Variants in LAMB4 observed in about 807,000 individuals in gnomAD.
LAMB4 encodes laminin subunit beta 4.
A neutral mutation model predicts 199.2 loss-of-function variants in LAMB4; 196 were observed. That is an observed-to-expected ratio of 0.98 (90% CI 0.88 to 1.11). LAMB4 has a LOEUF of 1.11. LAMB4 is among the 50% of genes least tolerant of loss of function. The pLI is 0.00. For missense variants in LAMB4, 2,080 were observed against 2,171.2 expected, an observed-to-expected ratio of 0.96 and a Z score of 0.83; for synonymous variants, 744 against 770.6, an observed-to-expected ratio of 0.97 and a Z score of 0.57.
chr7:108,057,875 C>T lies in LAMB4; in HGVS notation c.3336G>A (p.Glu1112=). 6.2e-7 allele frequency: 1 copy of T among 1,613,710 alleles called. No homozygotes were observed. The highest frequency in any genetic ancestry group is 8.5e-7 in the Non-Finnish European group (1 of 1,179,742). ...KLGYGGKRCS[E]CQENYYGDPP... ...GATCACCATAATAATTTTCCTGGCA[C>T]TCACTGCAACGTTTCCCGCCGTAAC... is the stretch of plus-strand genomic sequence containing the variant. The change falls in exon 24 of 34, where the codon GAG becomes GAA. Residue 1112 remains glutamate (E), a synonymous_variant. Coordinates refer to ENST00000388781, the MANE Select transcript of LAMB4 (RefSeq NM_007356.3).
At chr7:108,118,569 A>T (rs1056418526) in intron 2 of LAMB4, among the ~76,000 whole-genome samples, 2 of 152,144 alleles carry the variant, frequency 1.3e-5, no homozygotes, top group Admixed American at 6.5e-5. Context: ...AATTGGATCC[A>T]TAGCCAAAAA....
Position 108,069,690 on chromosome 7 carries a change from C to CA in LAMB4, c.2302+17dup. On this transcript the variant is annotated intron_variant, in intron 18 of 33. Transcript: ENST00000388781. ...TGGATGTCAGTGCCTCAGTAGAGCC[C>CA]ATTAAACAGATACTTACCCACAGCC... The CA allele has an allele frequency of 1.2e-6, 2 of 1,609,396 alleles. No individual in the cohort carries two copies. The highest frequency in any genetic ancestry group is 1.7e-6 in the Non-Finnish European group (2 of 1,176,822).
intron 31 of LAMB4, among the ~76,000 whole-genome samples, chr7:108,033,735 AT>A (rs556578520): frequency 0.017 from 1,756 of 102,056 alleles, 22 homozygotes; most frequent in African/African-American, 0.042. Context: ...TTGGATGAGT[AT>A]TTTTTTTTTT....
intron 3 of LAMB4, among the ~76,000 whole-genome samples, chr7:108,115,015 C>T (rs139792660): frequency 3.3e-5 from 5 of 152,312 alleles, no homozygotes; most frequent in African/African-American, 1.2e-4. Flanking sequence ...AGTTCTACAC[C>T]TCTTCCATCT....
intron 15 of LAMB4, among the ~76,000 whole-genome samples, chr7:108,078,692 A>T (rs2036804001): frequency 6.6e-6 from 1 of 152,170 alleles, no homozygotes; most frequent in African/African-American, 2.4e-5. Flanking sequence ...TACTGGGGAG[A>T]TATGCAAATT....
intron 23 of LAMB4, chr7:108,062,550 C>T (rs1181603663): frequency 2.9e-6 from 1 of 340,506 alleles, no homozygotes; most frequent in Non-Finnish European, 5.3e-6. Flanking sequence ...TCCTCAGTCA[C>T]AGAGAGAAAA....
At chr7:108,089,639 A>C (rs556399708) in intron 14 of LAMB4, among the ~76,000 whole-genome samples, 1 of 152,346 alleles carries the variant, frequency 6.6e-6, no homozygotes, top group East Asian at 1.9e-4. Context: ...ACATTGTACA[A>C]CATCTTAATG....
chr7:108,032,823 T>C (rs1247407386), intron 31 of LAMB4, among the ~76,000 whole-genome samples: 4 of 152,124 alleles, frequency 2.6e-5, no homozygotes, highest in African/African-American at 9.7e-5. Context: ...CTTTGCTTTC[T>C]GTCTTATATG....
In LAMB4 at chr7:108,048,043, C is replaced by A; in HGVS notation, c.4191G>T (p.Arg1397=). 6.2e-7 allele frequency: 1 copy of A among 1,614,214 alleles called. No homozygotes were observed. The highest frequency in any genetic ancestry group is 8.5e-7 in the Non-Finnish European group (1 of 1,180,030). ...LPCGGALCTG[R]KGHRKCRGPG... The stretch of plus-strand genomic sequence containing the variant: ...GACCCCTACACTTCCTGTGCCCCTT[C>A]CGGCCCGTGCAGAGAGCACCGCCAC... The change falls in exon 28 of 34, where the codon CGG becomes CGT. Residue 1397 remains arginine, a synonymous_variant. Coordinates refer to ENST00000388781, the MANE Select transcript of LAMB4 (RefSeq NM_007356.3).
the LAMB4 span, among the ~76,000 whole-genome samples, chr7:108,014,713 G>C: frequency 6.9e-6 from 1 of 145,196 alleles, no homozygotes; most frequent in East Asian, 1.9e-4. Context: ...ACTAGAACTG[G>C]TTGTTGTTTT....
In LAMB4 at chr7:108,109,222, T is replaced by G; in HGVS notation, c.351A>C (p.Arg117Ser). 4 of 1,613,512 alleles carry G rather than the reference T, an allele frequency of 2.5e-6. No individual in the cohort carries two copies. The South Asian group carries it at 4.4e-5, about 18-fold the overall frequency. Reference protein sequence around the residue: ...SENGLDHVSIRLDLEALFRFS... With the variant: ...SENGLDHVSISLDLEALFRFS... Reference sequence around the variant, plus strand: ...ACCGAAATAATGCCTCTAAGTCCAGTCTGATGCTGACATGATCAAGACCTA... The same window carrying G: ...ACCGAAATAATGCCTCTAAGTCCAGGCTGATGCTGACATGATCAAGACCTA... The change falls in exon 5 of 34, where the codon AGA becomes AGC. Residue 117 changes from arginine (R) to serine (S), a missense_variant. Arg to Ser is a moderately radical substitution (Grantham distance 110, BLOSUM62 -1). Transcript: ENST00000388781.
At chr7:108,076,106 T>A (rs925152372) in intron 17 of LAMB4, among the ~76,000 whole-genome samples, 4 of 152,052 alleles carry the variant, frequency 2.6e-5, no homozygotes, top group African/African-American at 9.7e-5. Flanking sequence ...GTAATATATA[T>A]CAAATATATG....
chr7:108,076,441 G>T (rs1218363760), intron 17 of LAMB4, among the ~76,000 whole-genome samples: 1 of 152,126 alleles, frequency 6.6e-6, no homozygotes, highest in African/African-American at 2.4e-5. Flanking sequence ...GAAGTGTGAG[G>T]TGAAAAAAAT....
In LAMB4 at chr7:108,092,348, A is replaced by G; in HGVS notation, c.1539T>C (p.Ala513=). The change falls in exon 13 of 34, where the codon GCT becomes GCC. Residue 513 remains alanine (A), a synonymous_variant. Coordinates refer to ENST00000388781, the MANE Select transcript of LAMB4 (RefSeq NM_007356.3). ...CSPCDCDIGG[A]YSNVCSPKNG... is the part of the protein sequence containing the mutation. ...CTTATTTGACTTACACGTTAGAATA[A>G]GCACCTCCAATATCACAGTCACAGG... 6.2e-7 allele frequency: 1 copy of G among 1,613,184 alleles called. No individual in the cohort carries two copies. The highest frequency in any genetic ancestry group is 8.5e-7 in the Non-Finnish European group (1 of 1,179,134).
At position 108,037,473 on chromosome 7, in the gene LAMB4, A is replaced by G. The variant is rs1175872936; in HGVS notation, c.4594T>C (p.Cys1532Arg). 6.2e-7 allele frequency: 1 copy of G among 1,614,120 alleles called. No individual in the cohort carries two copies. The change falls in exon 30 of 34, where the codon TGT (cysteine) becomes CGT (arginine). Residue 1532 changes from cysteine to arginine, a missense_variant. By Grantham distance (180) the Cys-to-Arg change is radical. Transcript: ENST00000388781. ...TTTTCATCTGTCCTGTAATCCTCAC[A>G]GAGTTGCATATGTTTCTGTATTTTG... is the stretch of plus-strand genomic sequence containing the variant. ...LVKIQKHMQL[C>R]EDYRTDENRL...
At chr7:108,106,804 T>A (rs1369781828) in intron 6 of LAMB4, among the ~76,000 whole-genome samples, 1 of 152,060 alleles carries the variant, frequency 6.6e-6, no homozygotes, top group Non-Finnish European at 1.5e-5. Flanking sequence ...CAGGCTCAAG[T>A]GATCCTCCTG....
chr7:108,061,495 C>G (rs1328508281), intron 23 of LAMB4, among the ~76,000 whole-genome samples: 1 of 151,782 alleles, frequency 6.6e-6, no homozygotes, highest in Non-Finnish European at 1.5e-5. Flanking sequence ...TCTTAGCAAT[C>G]TGAGAGGCTG....
chr7:108,116,088 C>A lies in LAMB4; in HGVS notation c.108G>T (p.Leu36=), dbSNP rs2038396693. ...GACHPTTGDL[L]VGRNTQLMAS... ...CCATAAGCTGCGTGTTCCTGCCCAC[C>A]AGGAGATCACCAGTGGTGGGATGAC... The change falls in exon 3 of 34, where the codon CTG becomes CTT. Residue 36 remains leucine (L), a synonymous_variant. Transcript: ENST00000388781. The A allele has an allele frequency of 6.2e-7, 1 of 1,613,964 alleles. No individual in the cohort carries two copies. The highest frequency in any genetic ancestry group is 1.3e-5 in the African/African-American group (1 of 74,900).
intron 31 of LAMB4, among the ~76,000 whole-genome samples, chr7:108,033,817 A>G (rs2035130123): frequency 6.8e-6 from 1 of 147,702 alleles, no homozygotes; most frequent in African/African-American, 2.5e-5. Context: ...ATGTTACAAT[A>G]GTTAACTCAT....
Sources: gnomAD v4.1 joint callset for allele counts (sites outside exome capture counted in the v4.1 genomes callset) on GRCh38, gnomAD v4.1.1 for gene constraint, MANE v1.5 for transcripts, NCBI Gene and HGNC (gene_info 2026-07-23, HGNC 2026-07-21) for gene names.